Variants in BABAM2 observed in about 807,000 individuals in gnomAD.
BABAM2 encodes the protein BRISC and BRCA1-A complex member 2.
A neutral mutation model predicts 54.7 loss-of-function variants in BABAM2; 31 were observed. The observed-to-expected ratio is 0.57, with a 90% CI of 0.43 to 0.77. The LOEUF (loss-of-function observed/expected upper bound fraction) is 0.77, where lower values mean the gene tolerates loss of function less well. Among genes scored for constraint, BABAM2 ranks in the 30% least tolerant of loss-of-function variants. The pLI is 0.00. For missense variants in BABAM2, 364 were observed against 455.8 expected (o/e 0.80, Z 1.83); for synonymous variants, 167 against 162.9 (o/e 1.03, Z -0.19).
At chr2:28,298,648 T>C (rs1687883858) in intron 11 of BABAM2, among the ~76,000 whole-genome samples, 157 bp downstream of exon 11, 1 of 152,254 alleles carries the variant, frequency 6.6e-6, no homozygotes, top group Non-Finnish European at 1.5e-5. Flanking sequence ...CTTTACTTAT[T>C]ATCTGTGGCC....
chr2:28,234,962 G>T (rs962598102), intron 7 of BABAM2, among the ~76,000 whole-genome samples: 5 of 152,214 alleles, frequency 3.3e-5, no homozygotes, highest in African/African-American at 1.2e-4. Context: ...TGGCCTTGCT[G>T]ATTCTGTGCA....
Position 28,195,870 on chromosome 2 carries a change from T to C in BABAM2, c.681-41332T>C, listed in dbSNP as rs530201559. ...GCCTAATGCACATATAAAATATTAGTTCAAACAAACCAAACACAGCACCCA... is the reference window on the plus strand; with the variant it reads ...GCCTAATGCACATATAAAATATTAGCTCAAACAAACCAAACACAGCACCCA... On this transcript the variant is annotated intron_variant, in intron 7 of 11. Transcript: ENST00000379624. 3.9e-5 allele frequency among the ~76,000 whole-genome samples: 6 copies of C among 152,320 alleles called. No individual in the cohort carries two copies. In the East Asian group the frequency reaches 1.2e-3, roughly 29 times the overall value.
At chr2:28,092,771 T>A (rs914122829) in intron 6 of BABAM2, among the ~76,000 whole-genome samples, 2 of 151,418 alleles carry the variant, frequency 1.3e-5, no homozygotes, top group African/African-American at 4.9e-5. Flanking sequence ...TCTCTCTCTC[T>A]CACGCTCTCT....
intron 3 of BABAM2, among the ~76,000 whole-genome samples, chr2:27,956,849 T>C (rs1670126779): frequency 6.6e-6 from 1 of 152,176 alleles, no homozygotes; most frequent in Admixed American, 6.5e-5. Context: ...CAATTCTTAA[T>C]AGATCAATTC....
intron 7 of BABAM2, among the ~76,000 whole-genome samples, chr2:28,167,361 T>C (rs1673789153): frequency 6.6e-6 from 1 of 152,190 alleles, no homozygotes; most frequent in Admixed American, 6.5e-5. Context: ...ATAAATGTAT[T>C]TATTTCTAAA....
At chr2:28,081,516 T>C (rs995583699) in intron 6 of BABAM2, among the ~76,000 whole-genome samples, 1 of 152,218 alleles carries the variant, frequency 6.6e-6, no homozygotes, top group Non-Finnish European at 1.5e-5. Flanking sequence ...ACATCACCAC[T>C]GAATAAGATG....
chr2:28,318,075 A>G (rs1033956086), intron 11 of BABAM2, among the ~76,000 whole-genome samples: 1 of 152,210 alleles, frequency 6.6e-6, no homozygotes, highest in African/African-American at 2.4e-5. Context: ...GTCAATCTCT[A>G]GTTATCCAAG....
upstream of BABAM2, among the ~76,000 whole-genome samples, chr2:27,888,977 T>G (rs1025505970): frequency 6.6e-6 from 1 of 152,232 alleles, no homozygotes; most frequent in Non-Finnish European, 1.5e-5. Flanking sequence ...CTTGGCACAG[T>G]GTCTGACAGA....
intron 6 of BABAM2, among the ~76,000 whole-genome samples, chr2:28,110,712 A>G (rs1026099502): frequency 3.3e-5 from 5 of 152,134 alleles, no homozygotes; most frequent in African/African-American, 1.2e-4. Context: ...GTTATTTTGG[A>G]GTATCTATTC....
intron 6 of BABAM2, among the ~76,000 whole-genome samples, chr2:28,113,593 A>C (rs552206138): frequency 6.6e-5 from 10 of 152,240 alleles, no homozygotes; most frequent in Non-Finnish European, 1.2e-4. Flanking sequence ...TGATGCCTCC[A>C]GCTCTGTTCT....
At chr2:28,324,375 C>T (rs1690270589) in intron 11 of BABAM2, among the ~76,000 whole-genome samples, 1 of 152,208 alleles carries the variant, frequency 6.6e-6, no homozygotes, top group African/African-American at 2.4e-5. Context: ...GGACAGTACA[C>T]TTGCCACTGG....
At chr2:28,128,077 G>A (rs1270254416) in intron 6 of BABAM2, among the ~76,000 whole-genome samples, 2 of 152,136 alleles carry the variant, frequency 1.3e-5, no homozygotes, top group Non-Finnish European at 2.9e-5. Flanking sequence ...CTCCCAAAGT[G>A]CTGGGATTAC....
At chr2:28,129,410 T>C (rs774321218) in intron 7 of BABAM2, 30 bp downstream of exon 7, 5 of 1,509,884 alleles carry the variant, frequency 3.3e-6, no homozygotes, top group Non-Finnish European at 4.6e-6. Context: ...GGTAGCCTGG[T>C]GCTACTTCTT....
At chr2:28,254,975 G>A (rs867726958) in intron 10 of BABAM2, among the ~76,000 whole-genome samples, 2 of 151,770 alleles carry the variant, frequency 1.3e-5, no homozygotes. Context: ...GGCCTCTAGT[G>A]AACCTCCCAC....
chr2:28,062,506 T>A (rs1678965117), intron 6 of BABAM2, among the ~76,000 whole-genome samples: 1 of 143,110 alleles, frequency 7.0e-6, no homozygotes. Context: ...GAGGTTGCAG[T>A]GAGCCAAGAT....
intron 7 of BABAM2, among the ~76,000 whole-genome samples, chr2:28,138,149 T>G (rs1244577722): frequency 6.6e-6 from 1 of 152,218 alleles, no homozygotes; most frequent in Non-Finnish European, 1.5e-5. Context: ...GTGGAAGGTC[T>G]GAGATGCAAA....
chr2:28,133,280 T>C (rs763375378), intron 7 of BABAM2, among the ~76,000 whole-genome samples: 18 of 152,206 alleles, frequency 1.2e-4, no homozygotes, highest in Non-Finnish European at 2.2e-4. Context: ...TGCTAAGCTC[T>C]CATTTATTTT....
chr2:28,035,824 G>A (rs1026437968), intron 5 of BABAM2, among the ~76,000 whole-genome samples: 2 of 152,078 alleles, frequency 1.3e-5, no homozygotes, highest in African/African-American at 4.8e-5. Flanking sequence ...AATATTAAAG[G>A]TGTAGATTAT....
At chr2:28,062,628 T>G (rs1678988598) in intron 6 of BABAM2, among the ~76,000 whole-genome samples, 1 of 152,128 alleles carries the variant, frequency 6.6e-6, no homozygotes, top group African/African-American at 2.4e-5. Context: ...TAAAACTTCT[T>G]CTGCATTATC....
Sources: gnomAD v4.1 joint callset for allele counts (sites outside exome capture counted in the v4.1 genomes callset) on GRCh38, gnomAD v4.1.1 for gene constraint, MANE v1.5 for transcripts, NCBI Gene and HGNC (gene_info 2026-07-23, HGNC 2026-07-21) for gene names.